Variants in ARHGAP35 observed in about 807,000 individuals in gnomAD.
ARHGAP35 encodes the protein Rho GTPase activating protein 35, also known as rho GTPase-activating protein 35.
A neutral mutation model predicts 111.1 loss-of-function variants in ARHGAP35; 15 were observed. The observed-to-expected ratio is 0.13, with a 90% CI of 0.09 to 0.21. The LOEUF (loss-of-function observed/expected upper bound fraction) is 0.21, where lower values mean the gene tolerates loss of function less well. ARHGAP35 is among the 10% of genes least tolerant of loss of function. The probability of loss-of-function intolerance (pLI) is 1.00; values close to 1 mark genes in which losing one functional copy is unlikely to be tolerated. For missense variants in ARHGAP35, 1,262 were observed against 1,873.0 expected (o/e 0.67, Z 6.02); for synonymous variants, 643 against 710.3 (o/e 0.91, Z 1.51).
At chr19:46,972,561 T>C (rs919487401) in intron 3 of ARHGAP35, among the ~76,000 whole-genome samples, 1 of 152,224 alleles carries the variant, frequency 6.6e-6, no homozygotes, top group Admixed American at 6.5e-5. Flanking sequence ...GCGGGCAGCA[T>C]GACAGATGTG....
rs1289119015 is a variant in ARHGAP35 at position 46,918,548 on chromosome 19, C to CA, written c.-127dup. On this transcript the variant is annotated 5_prime_UTR_variant, in exon 2 of 7. Coordinates refer to ENST00000672722, the MANE Select transcript of ARHGAP35 (RefSeq NM_004491.5). This position sits in a 1 kb window ranked among gnomAD's most constrained non-coding sequence, Gnocchi z 5.4. ...GAACAGTGACCATACTGGTATACAACACTATGGGACCTGGCATTTTTGCTG... is the reference window on the plus strand; with the variant it reads ...GAACAGTGACCATACTGGTATACAACAACTATGGGACCTGGCATTTTTGCTG... 8 of 854,296 alleles carry CA rather than the reference C, an allele frequency of 9.4e-6. No individual in the cohort carries two copies. The allele number at this position is 854,296 out of a possible 1,614,324, so 52.9% of individuals were successfully genotyped here. A position where few individuals can be genotyped will look rare whatever the true frequency, so the allele number is the denominator to read the frequency against.
In ARHGAP35 at chr19:46,920,847, T is replaced by C. The variant is rs2056195133; in HGVS notation, c.2172T>C (p.Ile724=). The C allele has an allele frequency of 6.2e-7, 1 of 1,613,542 alleles. No individual in the cohort carries two copies. Among genetic ancestry groups the C allele is most frequent in the Non-Finnish European group, 8.5e-7 (1 of 1,179,720 alleles). ...GCTTAATACAGCAAGGTCAACAAAT[T>C]GCTAGCAAACTTCAGTGTGTCTTTC... The part of the protein sequence containing the change: ...LHSLIQQGQQ[I]ASKLQCVFLD... The change falls in exon 2 of 7, where the codon ATT becomes ATC. Residue 724 remains isoleucine (I), a synonymous_variant. Transcript: ENST00000672722. The surrounding 1 kb of genome is among the most constrained non-coding windows in gnomAD (Gnocchi z 7.0).
At chr19:46,956,419 CTT>C (rs1276748702) in intron 3 of ARHGAP35, among the ~76,000 whole-genome samples, 43 of 138,682 alleles carry the variant, frequency 3.1e-4, no homozygotes, top group Admixed American at 4.3e-4. Flanking sequence ...CCCAAGATAT[CTT>C]TTTTTTTTTT....
intron 1 of ARHGAP35, among the ~76,000 whole-genome samples, chr19:46,916,644 T>G (rs2056165789): frequency 6.6e-6 from 1 of 150,398 alleles, no homozygotes; most frequent in Non-Finnish European, 1.5e-5. Flanking sequence ...TTTACACACT[T>G]AATTTTTTTT....
At chr19:46,997,263 T>C (rs1433051169) in intron 5 of ARHGAP35, among the ~76,000 whole-genome samples, 1 of 152,182 alleles carries the variant, frequency 6.6e-6, no homozygotes, top group Non-Finnish European at 1.5e-5. Flanking sequence ...CCAGGACTTT[T>C]TTAGTCATTT....
chr19:46,998,543 C>A (rs2122362473), intron 5 of ARHGAP35, among the ~76,000 whole-genome samples: 1 of 152,368 alleles, frequency 6.6e-6, no homozygotes, highest in South Asian at 2.1e-4. Context: ...TCAGGCCCCA[C>A]AGCCAGTCCC....
intron 3 of ARHGAP35, among the ~76,000 whole-genome samples, chr19:46,940,620 T>TA (rs1370006185): frequency 2.7e-5 from 4 of 150,130 alleles, no homozygotes; most frequent in South Asian, 2.1e-4. Flanking sequence ...TTTTTTTTTT[T>TA]AATTTTTTGT....
At chr19:46,932,243 C>T (rs535190736) in intron 2 of ARHGAP35, among the ~76,000 whole-genome samples, 3 of 152,252 alleles carry the variant, frequency 2.0e-5, no homozygotes, top group Admixed American at 1.3e-4. Context: ...GATTGCGCTA[C>T]GGCACTCCAG....
intron 2 of ARHGAP35, among the ~76,000 whole-genome samples, chr19:46,929,101 G>A (rs117964209): frequency 0.012 from 1,810 of 152,190 alleles, 36 homozygotes; most frequent in Middle Eastern, 0.014. Context: ...CTGAGTCATG[G>A]TATTAACTGC....
At chr19:46,884,383 T>C (rs2055981930) in intron 1 of ARHGAP35, among the ~76,000 whole-genome samples, 2 of 152,060 alleles carry the variant, frequency 1.3e-5, no homozygotes, top group Non-Finnish European at 2.9e-5. Flanking sequence ...CATATGTAGG[T>C]ATATACTTAT....
rs1016946249 is a variant in ARHGAP35 at position 46,908,934 on chromosome 19, G to A, written c.-188-9554G>A. ...TGGAGGTGGGGAGGACAAATCAAGA[G>A]GGGCAGGAGGGGACATTTGCAAAAA... On this transcript the variant is annotated intron_variant, in intron 1 of 6. Coordinates refer to ENST00000672722, the MANE Select transcript of ARHGAP35 (RefSeq NM_004491.5). The surrounding 1 kb of genome is among the most constrained non-coding windows in gnomAD (Gnocchi z 4.2). Among the ~76,000 whole-genome samples, 1 of 152,164 alleles carries A rather than the reference G, an allele frequency of 6.6e-6. No individual in the cohort carries two copies. Among genetic ancestry groups the A allele is most frequent in the African/African-American group, 2.4e-5 (1 of 41,448 alleles).
chr19:46,864,701 TTAA>T (rs751082398), intron 1 of ARHGAP35, among the ~76,000 whole-genome samples: 4 of 152,242 alleles, frequency 2.6e-5, no homozygotes, highest in Non-Finnish European at 4.4e-5. Flanking sequence ...TCTGGTAATT[TTAA>T]TAATCTATGT....
At chr19:46,916,661 G>C (rs2056166032) in intron 1 of ARHGAP35, among the ~76,000 whole-genome samples, 1 of 151,774 alleles carries the variant, frequency 6.6e-6, no homozygotes. Context: ...TTTTTATTTG[G>C]AAATGATTGA....
At chr19:46,981,317 A>T (rs548207563) in intron 3 of ARHGAP35, among the ~76,000 whole-genome samples, 8 of 152,314 alleles carry the variant, frequency 5.3e-5, no homozygotes, top group Non-Finnish European at 8.8e-5. Flanking sequence ...CCTGCCTGGC[A>T]TGGGGTGTTT....
chr19:46,912,177 A>G (rs1210250126), intron 1 of ARHGAP35, among the ~76,000 whole-genome samples: 2 of 147,824 alleles, frequency 1.4e-5, no homozygotes, highest in East Asian at 2.0e-4. Flanking sequence ...CCGAGTAGCT[A>G]GGATTACTGG....
intron 1 of ARHGAP35, among the ~76,000 whole-genome samples, chr19:46,881,999 T>C (rs1371206766): frequency 1.3e-5 from 2 of 152,216 alleles, no homozygotes; most frequent in African/African-American, 4.8e-5. Context: ...CTTCTAACTT[T>C]TCTCTGTAGC....
At chr19:46,888,837 C>CAAAAAAAAAAA (rs769595005) in intron 1 of ARHGAP35, among the ~76,000 whole-genome samples, 1 of 57,380 alleles carries the variant, frequency 1.7e-5, no homozygotes, top group African/African-American at 4.9e-5. Context: ...ACTAAAAATA[C>CAAAAAAAAAAA]AAAAAAAAAA....
At position 46,989,450 on chromosome 19, in the gene ARHGAP35, T is replaced by G; in HGVS notation, c.3905-94T>G. 17 of 1,521,926 alleles carry G rather than the reference T, an allele frequency of 1.1e-5. No individual in the cohort carries two copies. Among genetic ancestry groups the G allele is most frequent in the Non-Finnish European group, 1.4e-5 (16 of 1,118,898 alleles). 94.3% of individuals were successfully genotyped at this position (1,521,926 alleles called of 1,614,324 possible). On this transcript the variant is annotated intron_variant, in intron 4 of 6. Transcript: ENST00000672722. This position sits in a 1 kb window ranked among gnomAD's most constrained non-coding sequence, Gnocchi z 5.3. Reference sequence around the variant, plus strand: ...AGTCCTGAGGCCGTCTCTGGCTCCTTGAGGTTTCTCTAGCCTCTCCTGAGC... The same window carrying G: ...AGTCCTGAGGCCGTCTCTGGCTCCTGGAGGTTTCTCTAGCCTCTCCTGAGC...
At chr19:46,885,507 C>T (rs1275383889) in intron 1 of ARHGAP35, among the ~76,000 whole-genome samples, 1 of 152,168 alleles carries the variant, frequency 6.6e-6, no homozygotes, top group Non-Finnish European at 1.5e-5. Flanking sequence ...GGTTTGTGTG[C>T]TCTCTCTTCT....
Sources: allele counts gnomAD v4.1 joint callset (sites outside exome capture counted in the v4.1 genomes callset), GRCh38; gene constraint gnomAD v4.1.1; non-coding constraint Gnocchi (gnomAD v3.1); transcripts MANE v1.5; gene names NCBI Gene and HGNC (gene_info 2026-07-23, HGNC 2026-07-21).